Variants in PDE4B observed in about 807,000 individuals in gnomAD.
PDE4B encodes phosphodiesterase 4B, also known as 3',5'-cyclic-AMP phosphodiesterase 4B.
A neutral mutation model predicts 82.2 loss-of-function variants in PDE4B; 20 were observed. The observed-to-expected ratio is 0.24, with a 90% CI of 0.17 to 0.35. PDE4B has a LOEUF of 0.35. Ranked by LOEUF, PDE4B falls within the 10% of genes least tolerant of loss-of-function variation. The pLI, the probability that PDE4B is intolerant of heterozygous loss-of-function variation, is 1.00. For missense variants in PDE4B, 655 were observed against 907.2 expected (o/e 0.72, Z 3.57); for synonymous variants, 320 against 318.9 (o/e 1.00, Z -0.04).
chr1:66,320,545 T>C (rs1214844739), intron 7 of PDE4B, among the ~76,000 whole-genome samples: 2 of 152,212 alleles, frequency 1.3e-5, no homozygotes, highest in Non-Finnish European at 2.9e-5. Flanking sequence ...TATTGGACAT[T>C]GTGTCTTTGA....
chr1:65,991,290 A>G (rs188836648), intron 3 of PDE4B, among the ~76,000 whole-genome samples: 66 of 152,154 alleles, frequency 4.3e-4, no homozygotes, highest in African/African-American at 1.5e-3. Context: ...CATGTTGGCC[A>G]GACTGGTCTC....
intron 3 of PDE4B, among the ~76,000 whole-genome samples, chr1:66,207,253 C>A (rs1225477647): frequency 6.6e-6 from 1 of 152,094 alleles, no homozygotes; most frequent in Non-Finnish European, 1.5e-5. Flanking sequence ...TCTTACAAAT[C>A]ATATGTAAAT....
At chr1:66,125,875 C>T (rs761532845) in intron 3 of PDE4B, among the ~76,000 whole-genome samples, 17 of 152,132 alleles carry the variant, frequency 1.1e-4, no homozygotes, top group African/African-American at 3.4e-4. Context: ...GGCGTGTTCT[C>T]GACTCACTGC....
At chr1:65,866,958 A>G (rs138674769) in intron 1 of PDE4B, among the ~76,000 whole-genome samples, 4 of 152,188 alleles carry the variant, frequency 2.6e-5, no homozygotes, top group African/African-American at 7.2e-5. Flanking sequence ...ACTTTTTTTG[A>G]TGTGATAATG....
chr1:66,226,661 G>A (rs1190435072), intron 3 of PDE4B, among the ~76,000 whole-genome samples: 3 of 152,192 alleles, frequency 2.0e-5, no homozygotes, highest in African/African-American at 4.8e-5. Flanking sequence ...GAAGCAAGAA[G>A]GAAAATTGTA....
chr1:65,829,345 A>G (rs1646055151), intron 1 of PDE4B, among the ~76,000 whole-genome samples: 1 of 152,178 alleles, frequency 6.6e-6, no homozygotes, highest in Non-Finnish European at 1.5e-5. Flanking sequence ...ATAGAAACAA[A>G]TTTACAATTA....
intron 3 of PDE4B, among the ~76,000 whole-genome samples, chr1:66,066,104 A>C (rs935122411): frequency 6.6e-6 from 1 of 151,550 alleles, no homozygotes; most frequent in Non-Finnish European, 1.5e-5. Context: ...AACTTAGAAA[A>C]ATATATAAAT....
At chr1:65,912,724 A>G (rs1485623095) in intron 1 of PDE4B, among the ~76,000 whole-genome samples, 4 of 152,102 alleles carry the variant, frequency 2.6e-5, no homozygotes, top group Non-Finnish European at 4.4e-5. Context: ...TTTCATGTAT[A>G]TATATTCTGT....
chr1:66,272,239 C>A (rs929579138), intron 7 of PDE4B, among the ~76,000 whole-genome samples: 1 of 152,208 alleles, frequency 6.6e-6, no homozygotes, highest in Non-Finnish European at 1.5e-5. Context: ...ACCTGCACAG[C>A]CCCAGGAGTC....
chr1:65,837,091 G>GA (rs1646148406), intron 1 of PDE4B, among the ~76,000 whole-genome samples: 1 of 143,026 alleles, frequency 7.0e-6, no homozygotes, highest in Non-Finnish European at 1.5e-5. Context: ...GCCAGCACCA[G>GA]TTTTTTTTTT....
intron 3 of PDE4B, among the ~76,000 whole-genome samples, chr1:65,938,177 C>T (rs551896475): frequency 2.6e-5 from 4 of 152,290 alleles, no homozygotes; most frequent in South Asian, 4.2e-4. Context: ...CTGGGCTCTC[C>T]TCCACTGGTG....
chr1:66,258,193 A>G (rs527809609), intron 6 of PDE4B, among the ~76,000 whole-genome samples: 4 of 152,346 alleles, frequency 2.6e-5, no homozygotes, highest in African/African-American at 9.6e-5. Flanking sequence ...AATTCTATTA[A>G]AATTCTTTTT....
intron 3 of PDE4B, among the ~76,000 whole-genome samples, chr1:66,103,674 A>G (rs369719064): frequency 6.6e-6 from 1 of 152,158 alleles, no homozygotes; most frequent in Non-Finnish European, 1.5e-5. Context: ...AGGTATTTCC[A>G]TAGCATTCAG....
intron 3 of PDE4B, among the ~76,000 whole-genome samples, chr1:66,142,163 T>G (rs941063793): frequency 6.6e-6 from 1 of 152,146 alleles, no homozygotes; most frequent in Non-Finnish European, 1.5e-5. Context: ...GTTATCTTCA[T>G]GTTGAGCAGG....
At chr1:66,095,301 G>C (rs1416340540) in intron 3 of PDE4B, among the ~76,000 whole-genome samples, 9 of 151,682 alleles carry the variant, frequency 5.9e-5, no homozygotes, top group Admixed American at 1.3e-4. Flanking sequence ...ATAAAATTTG[G>C]GTAGTCATAC....
chr1:66,131,439 G>T (rs1333115404), intron 3 of PDE4B, among the ~76,000 whole-genome samples: 2 of 150,172 alleles, frequency 1.3e-5, no homozygotes, highest in Non-Finnish European at 3.0e-5. Context: ...ACGTATTAAT[G>T]ACATTGAAAA....
intron 7 of PDE4B, among the ~76,000 whole-genome samples, chr1:66,287,990 A>G (rs1656802854): frequency 6.6e-6 from 1 of 152,062 alleles, no homozygotes; most frequent in Non-Finnish European, 1.5e-5. Context: ...AACAAAACAA[A>G]AAACTGTATT....
chr1:66,050,169 T>C (rs187786162), intron 3 of PDE4B, among the ~76,000 whole-genome samples: 2 of 152,214 alleles, frequency 1.3e-5, no homozygotes, highest in Admixed American at 6.6e-5. Context: ...AACTTTAAAA[T>C]TTATTTCCAT....
At chr1:65,856,783 TA>T (rs1347418640) in intron 1 of PDE4B, among the ~76,000 whole-genome samples, 3 of 152,232 alleles carry the variant, frequency 2.0e-5, no homozygotes, top group Non-Finnish European at 4.4e-5. Context: ...TGAACTAACT[TA>T]CATTCCAACC....
Sources: allele counts gnomAD v4.1 joint callset (sites outside exome capture counted in the v4.1 genomes callset), GRCh38; gene constraint gnomAD v4.1.1; transcripts MANE v1.5; gene names NCBI Gene and HGNC (gene_info 2026-07-23, HGNC 2026-07-21).